The following BDH2 variants were observed in gnomAD, a reference collection of about 807,000 sequenced individuals.
BDH2 encodes the protein 3-hydroxybutyrate dehydrogenase 2, also known as dehydrogenase/reductase SDR family member 6.
In BDH2, 24 loss-of-function variants were observed where a neutral mutation model predicts 33.2. The observed-to-expected ratio is 0.72, with a 90% CI of 0.52 to 1.02. The LOEUF (loss-of-function observed/expected upper bound fraction) is 1.02. BDH2 is among the 50% of genes least tolerant of loss of function. BDH2 has a pLI of 0.00. For synonymous variants in BDH2, 81 were observed against 101.6 expected (o/e 0.80, Z 1.22); for missense variants, 249 against 301.6 (o/e 0.83, Z 1.29).
Position 103,079,734 on chromosome 4 carries a change from G to A in BDH2, c.706C>T (p.Pro236Ser), listed in dbSNP as rs920090687. 1.2e-6 allele frequency: 2 copies of A among 1,613,802 alleles called. No homozygotes were observed. The highest frequency in any genetic ancestry group is 2.7e-5 in the African/African-American group (2 of 74,886). ...SDESAYVTGNPVIIDGGWSL is the reference protein window; with the variant it reads ...SDESAYVTGNSVIIDGGWSL ...CTCCAGCCTCCATCAATGATGACAGGGTTACCAGTTACATAAGCAGACTGC... is the reference window on the plus strand; with the variant it reads ...CTCCAGCCTCCATCAATGATGACAGAGTTACCAGTTACATAAGCAGACTGC... Residue 236 changes from proline to serine, a missense_variant, in exon 10 of 10, where the codon CCT becomes TCT. Coordinates refer to ENST00000296424, the MANE Select transcript of BDH2 (RefSeq NM_020139.4).
chr4:103,087,668 G>A (rs940156395), intron 5 of BDH2, among the ~76,000 whole-genome samples: 3 of 152,320 alleles, frequency 2.0e-5, no homozygotes, highest in East Asian at 1.9e-4. Flanking sequence ...AAATGTTGAT[G>A]AATCAGAATC....
At chr4:103,091,674 G>A (rs1366689957) in intron 4 of BDH2, 2 of 454,946 alleles carry the variant, frequency 4.4e-6, no homozygotes, top group Non-Finnish European at 8.8e-6. Context: ...GAGCCCAGGA[G>A]TTTTAGGATG....
At chr4:103,091,610 T>C (rs1748096844) in intron 4 of BDH2, 1 of 427,162 alleles carries the variant, frequency 2.3e-6, no homozygotes, top group South Asian at 1.7e-5. Flanking sequence ...CTAGGCATGG[T>C]AGCACACACC....
chr4:103,092,378 T>G (rs1748147713), intron 4 of BDH2: 1 of 558,592 alleles, frequency 1.8e-6, no homozygotes, highest in South Asian at 2.1e-5. Flanking sequence ...GTACCATCTG[T>G]CTTGAGTAGA....
Position 103,084,302 on chromosome 4 carries a change from A to G in BDH2, c.532+1047T>C, listed in dbSNP as rs972009433. Reference sequence around the variant, plus strand: ...AAGCCCATGCCTTTAGAGTATTCCAATGTCACTGGGTTCAGCTGTGTCCAT... The same window carrying G: ...AAGCCCATGCCTTTAGAGTATTCCAGTGTCACTGGGTTCAGCTGTGTCCAT... On this transcript the variant is annotated intron_variant, in intron 7 of 9. Transcript: ENST00000296424. Among the ~76,000 whole-genome samples the G allele has an allele frequency of 6.6e-5, 10 of 152,282 alleles. No homozygotes were observed. In the East Asian group the frequency reaches 1.2e-3, roughly 18 times the overall value.
In BDH2 at chr4:103,078,722, T is replaced by A. The variant is rs1198315682; in HGVS notation, c.*980A>T. On this transcript the variant is annotated 3_prime_UTR_variant, in exon 10 of 10. Coordinates refer to ENST00000296424, the MANE Select transcript of BDH2 (RefSeq NM_020139.4). Reference sequence around the variant, plus strand: ...GATCTACATACAGAACAATGCAGAATTATATAAAAATATTTGAATATTGAA... The same window carrying A: ...GATCTACATACAGAACAATGCAGAAATATATAAAAATATTTGAATATTGAA... 2.6e-5 allele frequency among the ~76,000 whole-genome samples: 4 copies of A among 152,180 alleles called. No individual in the cohort carries two copies. Among genetic ancestry groups the A allele is most frequent in the Non-Finnish European group, 5.9e-5 (4 of 68,026 alleles).
chr4:103,089,117 T>C (rs956716096), intron 5 of BDH2, among the ~76,000 whole-genome samples: 1 of 152,214 alleles, frequency 6.6e-6, no homozygotes, highest in Non-Finnish European at 1.5e-5. Context: ...AGTGTTCCTA[T>C]GTTCTGACCA....
intron 5 of BDH2, among the ~76,000 whole-genome samples, chr4:103,087,044 G>A (rs146670491): frequency 1.4e-3 from 208 of 152,296 alleles, no homozygotes; most frequent in Non-Finnish European, 2.7e-3. Flanking sequence ...AGCAGGGTGA[G>A]GGCAGAAAGG....
Position 103,092,568 on chromosome 4 carries a change from A to T in BDH2, c.248+32T>A, listed in dbSNP as rs372382753. ...ATGAAAGTCATAGAAAACTTTCTGT[A>T]AGGAAAGTGAAACTAAAAAGTTATG... On this transcript the variant is annotated intron_variant, in intron 4 of 9. Coordinates refer to ENST00000296424, the MANE Select transcript of BDH2 (RefSeq NM_020139.4). The T allele has an allele frequency of 1.2e-5, 17 of 1,458,090 alleles. No individual in the cohort carries two copies. In the African/African-American group the frequency reaches 1.3e-4, roughly 11 times the overall value. 90.3% of individuals were successfully genotyped at this position (1,458,090 alleles called of 1,614,324 possible).
chr4:103,095,222 C>A lies in BDH2; in HGVS notation c.132G>T (p.Gln44His). Residue 44 changes from glutamine (Q) to histidine (H), a missense_variant, in exon 3 of 10, where the codon CAG (glutamine) becomes CAT (histidine). Gln to His is a conservative substitution (Grantham distance 24). Transcript: ENST00000296424. Reference sequence around the variant, plus strand: ...GCTTACCCGGGTACTTTTCCAGTTCCTGAAGTTTGGACTCATTAATGTCTG... The same window carrying A: ...GCTTACCCGGGTACTTTTCCAGTTCATGAAGTTTGGACTCATTAATGTCTG... ...IATDINESKL[Q>H]ELEKYPGIQT... 6.2e-7 allele frequency: 1 copy of A among 1,613,756 alleles called. No homozygotes were observed. Among genetic ancestry groups the A allele is most frequent in the Non-Finnish European group, 8.5e-7 (1 of 1,179,794 alleles).
At position 103,077,700 on chromosome 4, in the gene BDH2, T is replaced by C. The variant is rs1747302436; in HGVS notation, c.*2002A>G. 6.6e-6 allele frequency among the ~76,000 whole-genome samples: 1 copy of C among 152,240 alleles called. No individual in the cohort carries two copies. The highest frequency in any genetic ancestry group is 2.4e-5 in the African/African-American group (1 of 41,458). ...TATACCTGCTCACAGCATAAAGTAT[T>C]TCATGACATACTTGTAAGAGTCAGT... On this transcript the variant is annotated 3_prime_UTR_variant, in exon 10 of 10. Coordinates refer to ENST00000296424, the MANE Select transcript of BDH2 (RefSeq NM_020139.4).
chr4:103,096,741 A>T (rs1006739078), intron 1 of BDH2, among the ~76,000 whole-genome samples: 1 of 151,984 alleles, frequency 6.6e-6, no homozygotes, highest in Non-Finnish European at 1.5e-5. Context: ...GGCTTTCACC[A>T]TGTTGGCCAG....
Position 103,095,219 on chromosome 4 carries a change from T to A in BDH2, c.135A>T (p.Glu45Asp). ...GTTGCTTACCCGGGTACTTTTCCAGTTCCTGAAGTTTGGACTCATTAATGT... is the reference window on the plus strand; with the variant it reads ...GTTGCTTACCCGGGTACTTTTCCAGATCCTGAAGTTTGGACTCATTAATGT... ...ATDINESKLQ[E>D]LEKYPGIQTR... The change falls in exon 3 of 10, where the codon GAA becomes GAT. Residue 45 changes from glutamate (E) to aspartate (D), a missense_variant. Physicochemically the swap from Glu to Asp is conservative, Grantham distance 45. Coordinates refer to ENST00000296424, the MANE Select transcript of BDH2 (RefSeq NM_020139.4). The A allele has an allele frequency of 6.2e-7, 1 of 1,613,706 alleles. No homozygotes were observed. Among genetic ancestry groups the A allele is most frequent in the Non-Finnish European group, 8.5e-7 (1 of 1,179,708 alleles).
intron 1 of BDH2, among the ~76,000 whole-genome samples, chr4:103,096,767 C>T (rs1748430580): frequency 1.3e-5 from 2 of 152,068 alleles, no homozygotes; most frequent in African/African-American, 4.8e-5. Context: ...TCTCAAACTC[C>T]TGACCTCAGG....
intron 5 of BDH2, among the ~76,000 whole-genome samples, chr4:103,088,575 C>T (rs1747917356): frequency 6.6e-6 from 1 of 152,172 alleles, no homozygotes; most frequent in African/African-American, 2.4e-5. Flanking sequence ...CCCTGGCTCC[C>T]CATGCAATAG....
chr4:103,095,115 T>C, intron 3 of BDH2, 88 bp downstream of exon 3: 1 of 995,040 alleles, frequency 1.0e-6, no homozygotes. Context: ...GCTCAGTAGC[T>C]AGGGAATTTT....
chr4:103,083,075 T>C (rs1354977373), intron 7 of BDH2, 146 bp from the exon 8 acceptor site: 13 of 697,974 alleles, frequency 1.9e-5, no homozygotes, highest in Admixed American at 9.2e-5. Flanking sequence ...CTGAGGCCTC[T>C]TATTTAATAG....
At chr4:103,097,122 A>T (rs1231965345) in intron 1 of BDH2, among the ~76,000 whole-genome samples, 2 of 152,208 alleles carry the variant, frequency 1.3e-5, no homozygotes, top group Non-Finnish European at 2.9e-5. Flanking sequence ...GGAAAAATCA[A>T]ATCACATCCA....
chr4:103,094,650 CTAA>C (rs1218239498), intron 3 of BDH2, among the ~76,000 whole-genome samples: 2 of 151,114 alleles, frequency 1.3e-5, no homozygotes, highest in Admixed American at 6.6e-5. Context: ...TAAGAAACTT[CTAA>C]TAATTTAAAT....
Sources: gnomAD v4.1 joint callset for allele counts (sites outside exome capture counted in the v4.1 genomes callset) on GRCh38, gnomAD v4.1.1 for gene constraint, MANE v1.5 for transcripts, NCBI Gene and HGNC (gene_info 2026-07-23, HGNC 2026-07-21) for gene names.